The following DNAH11 variants were observed in gnomAD, a reference collection of about 807,000 sequenced individuals.
The protein encoded by DNAH11 is axonemal beta dynein heavy chain 11.
Under a neutral mutation model 526.0 loss-of-function variants are expected in DNAH11, and 442 were observed. That is an observed-to-expected ratio of 0.84 (90% confidence interval 0.78 to 0.91). The LOEUF (loss-of-function observed/expected upper bound fraction) is 0.91, where lower values mean the gene tolerates loss of function less well. Ranked by LOEUF, DNAH11 falls within the 40% of genes least tolerant of loss-of-function variation. The probability of loss-of-function intolerance (pLI) is 0.00; values close to 1 mark genes in which losing one functional copy is unlikely to be tolerated. For synonymous variants in DNAH11, 2,461 were observed against 1,935.9 expected, an observed-to-expected ratio of 1.27 and a Z score of -7.12; for missense variants, 6,989 against 5,448.7, an observed-to-expected ratio of 1.28 and a Z score of -8.90.
Position 21,543,043 on chromosome 7 carries a change from C to G in DNAH11, c.-203C>G, listed in dbSNP as rs370263343. On this transcript the variant is annotated 5_prime_UTR_variant, in exon 1 of 82. Coordinates refer to ENST00000409508, the MANE Select transcript of DNAH11 (RefSeq NM_001277115.2). ...GGGAAACGGGACGCGCTGCTTGTCC[C>G]AGGCCTTCGCTTCGGCCTGCGAGGC... 6.6e-6 allele frequency among the ~76,000 whole-genome samples: 1 copy of G among 152,210 alleles called. No individual in the cohort carries two copies. Among genetic ancestry groups the G allele is most frequent in the Non-Finnish European group, 1.5e-5 (1 of 68,032 alleles).
Position 21,695,580 on chromosome 7 carries a change from C to A in DNAH11, c.6042-2495C>A, listed in dbSNP as rs140197052. Among the ~76,000 whole-genome samples, 287 of 152,294 alleles carry A rather than the reference C, an allele frequency of 1.9e-3. 13 individuals carry two copies. In the East Asian group the frequency reaches 0.04, roughly 21 times the overall value. ...CTGGACTCCTTCCTTACACCTTACA[C>A]AAAAATTAACTCAAGATGGCTTAAA... On this transcript the variant is annotated intron_variant, in intron 35 of 81. Transcript: ENST00000409508.
intron 65 of DNAH11, 96 bp from the exon 66 acceptor site, chr7:21,842,448 C>A: frequency 9.4e-7 from 1 of 1,062,992 alleles, no homozygotes; most frequent in Non-Finnish European, 1.3e-6. Flanking sequence ...AGCTTCTGGC[C>A]AAGGTCCATT....
In DNAH11 at chr7:21,590,457, T is replaced by C. The variant is rs562019427; in HGVS notation, c.2170-461T>C. Among the ~76,000 whole-genome samples the C allele has an allele frequency of 2.0e-5, 3 of 152,312 alleles. No individual in the cohort carries two copies. The East Asian group carries it at 5.8e-4, about 29-fold the overall frequency. ...GGGATGAAGATTATACATTCACTAT[T>C]AGTGATTACCTGGAGTCTCTCATGG... On this transcript the variant is annotated intron_variant, in intron 12 of 81. Transcript: ENST00000409508.
At chr7:21,569,782 A>G (rs1222301551) in intron 6 of DNAH11, among the ~76,000 whole-genome samples, 2 of 152,232 alleles carry the variant, frequency 1.3e-5, no homozygotes, top group African/African-American at 4.8e-5. Context: ...CAGTCATGCA[A>G]ATTACATGAC....
intron 74 of DNAH11, among the ~76,000 whole-genome samples, chr7:21,874,139 C>T (rs1203461768): frequency 6.6e-6 from 1 of 151,910 alleles, no homozygotes; most frequent in Non-Finnish European, 1.5e-5. Context: ...TCTCTGACCA[C>T]AGAAAGAGAA....
intron 28 of DNAH11, among the ~76,000 whole-genome samples, chr7:21,649,925 A>G (rs1787549759): frequency 6.6e-6 from 1 of 152,114 alleles, no homozygotes; most frequent in African/African-American, 2.4e-5. Flanking sequence ...ATTGCCTCCC[A>G]AAGTGCTGGG....
chr7:21,739,814 A>G, intron 48 of DNAH11, 141 bp downstream of exon 48: 1 of 615,744 alleles, frequency 1.6e-6, no homozygotes, highest in South Asian at 2.3e-5. Flanking sequence ...CTAACAACAG[A>G]CAGGGGTTCT....
chr7:21,687,292 C>T lies in DNAH11; in HGVS notation c.5778+37C>T, dbSNP rs1783418408. The T allele has an allele frequency of 1.9e-6, 3 of 1,553,542 alleles. No homozygotes were observed. The East Asian group carries it at 6.8e-5, about 35-fold the overall frequency. On this transcript the variant is annotated intron_variant, in intron 33 of 81. Transcript: ENST00000409508. ...AGAGAATAATGTGTAAAACTTTATT[C>T]TCTAACATTATTCCTGATTGGGAAT... is the stretch of plus-strand genomic sequence containing the variant.
At chr7:21,725,704 C>A (rs1785069540) in intron 44 of DNAH11, 107 bp from the exon 45 acceptor site, 2 of 1,149,316 alleles carry the variant, frequency 1.7e-6, no homozygotes, top group Non-Finnish European at 2.5e-6. Flanking sequence ...GGGTATATGG[C>A]AATTTTAGGT....
intron 6 of DNAH11, among the ~76,000 whole-genome samples, chr7:21,566,681 G>A (rs6978629): frequency 0.1 from 15,232 of 151,272 alleles, 1,420 homozygotes; most frequent in East Asian, 0.28. Flanking sequence ...GTTCTCACCC[G>A]TTATACCATG....
Position 21,774,011 on chromosome 7 carries a change from A to C in DNAH11, c.9336+12A>C. 6.5e-7 allele frequency: 1 copy of C among 1,538,310 alleles called. No homozygotes were observed. The highest frequency in any genetic ancestry group is 1.2e-5 in the South Asian group (1 of 80,942). ...CCACAGCCTCTCAGGTATGACCAGG[A>C]TGTGTTATTACTGAGTAATATTTAT... On this transcript the variant is annotated intron_variant, in intron 56 of 81. Coordinates refer to ENST00000409508, the MANE Select transcript of DNAH11 (RefSeq NM_001277115.2).
chr7:21,778,813 A>G, intron 56 of DNAH11, 145 bp from the exon 57 acceptor site: 3 of 933,098 alleles, frequency 3.2e-6, no homozygotes, highest in Non-Finnish European at 4.6e-6. Flanking sequence ...CATTTTTGCA[A>G]ATCAGAAGAC....
chr7:21,844,931 A>G (rs1486445012), intron 66 of DNAH11, among the ~76,000 whole-genome samples: 2 of 152,342 alleles, frequency 1.3e-5, no homozygotes, highest in South Asian at 2.1e-4. Context: ...TGGAACTGCA[A>G]CATGCCAGGA....
Position 21,655,965 on chromosome 7 carries a change from G to C in DNAH11, c.5078G>C (p.Cys1693Ser), listed in dbSNP as rs1249207222. The part of the protein sequence containing the change: ...EKEYVPFQAE[C>S]ECVGHVETWL... ...GAGTATGTCCCATTCCAAGCCGAGTGTGAATGTGTGGGCCATGTAAGATTT... is the reference window on the plus strand; with the variant it reads ...GAGTATGTCCCATTCCAAGCCGAGTCTGAATGTGTGGGCCATGTAAGATTT... Residue 1693 changes from cysteine to serine, a missense_variant, in exon 29 of 82, where the codon TGT (cysteine) becomes TCT (serine). Physicochemically the swap from Cys to Ser is moderately radical, Grantham distance 112. Coordinates refer to ENST00000409508, the MANE Select transcript of DNAH11 (RefSeq NM_001277115.2). 6.2e-7 allele frequency: 1 copy of C among 1,604,244 alleles called. No individual in the cohort carries two copies.
intron 39 of DNAH11, 135 bp downstream of exon 39, chr7:21,705,672 C>A (rs1784236110): frequency 1.3e-6 from 1 of 781,224 alleles, no homozygotes; most frequent in East Asian, 2.9e-5. Context: ...GAATCTGAGA[C>A]TGGAATCTTG....
chr7:21,658,056 A>G (rs1562734056), intron 29 of DNAH11, among the ~76,000 whole-genome samples: 1 of 152,150 alleles, frequency 6.6e-6, no homozygotes. Context: ...ATTATATGAT[A>G]TCCTAAGAAA....
chr7:21,597,900 G>A (rs866132217), intron 14 of DNAH11, among the ~76,000 whole-genome samples: 1 of 152,130 alleles, frequency 6.6e-6, no homozygotes, highest in African/African-American at 2.4e-5. Flanking sequence ...TACTTTCCTA[G>A]GGTGTGTACT....
Position 21,894,683 on chromosome 7 carries a change from A to C in DNAH11, c.12811A>C (p.Ile4271Leu), listed in dbSNP as rs774188308. ...KLPEEFNMAEIMQKNSNRSPY... is the reference protein window; with the variant it reads ...KLPEEFNMAELMQKNSNRSPY... ...TCCAGAAGAGTTCAACATGGCAGAG[A>C]TAATGCAAAAAAATTCAAATAGAAG... The change falls in exon 78 of 82, where the codon ATA (isoleucine) becomes CTA (leucine). Residue 4271 changes from isoleucine (I) to leucine (L), a missense_variant. Transcript: ENST00000409508. 6 of 1,614,020 alleles carry C rather than the reference A, an allele frequency of 3.7e-6. No homozygotes were observed. The highest frequency in any genetic ancestry group is 5.1e-6 in the Non-Finnish European group (6 of 1,179,892).
At position 21,707,839 on chromosome 7, in the gene DNAH11, G is replaced by T; in HGVS notation, c.6683+4G>T. 1 of 1,589,886 alleles carries T rather than the reference G, an allele frequency of 6.3e-7. No individual in the cohort carries two copies. On this transcript the variant is annotated splice_donor_region_variant and intron_variant, in intron 40 of 81. Transcript: ENST00000409508. ...CCCGAGAATGGAAAGATGGCAAGTA[G>T]TATTTCCCCTTTAGAAGTGCTCAAT...
Sources: allele counts gnomAD v4.1 joint callset (sites outside exome capture counted in the v4.1 genomes callset), GRCh38; gene constraint gnomAD v4.1.1; transcripts MANE v1.5; gene names NCBI Gene and HGNC (gene_info 2026-07-23, HGNC 2026-07-21).